Variants in DLG5 observed in about 807,000 individuals in gnomAD.
The protein encoded by DLG5 is disks large homolog 5.
A neutral mutation model predicts 189.8 loss-of-function variants in DLG5; 48 were observed. The observed-to-expected ratio is 0.25, with a 90% CI of 0.20 to 0.32. The LOEUF (loss-of-function observed/expected upper bound fraction) is 0.32, where lower values mean the gene tolerates loss of function less well. Ranked by LOEUF, DLG5 falls within the 10% of genes least tolerant of loss-of-function variation. DLG5 has a pLI of 1.00. For synonymous variants in DLG5, 1,016 were observed against 1,054.1 expected, an observed-to-expected ratio of 0.96 and a Z score of 0.70; for missense variants, 2,160 against 2,544.7, an observed-to-expected ratio of 0.85 and a Z score of 3.25.
intron 13 of DLG5, among the ~76,000 whole-genome samples, chr10:77,827,076 A>G (rs1217790266): frequency 3.3e-5 from 5 of 152,218 alleles, no homozygotes; most frequent in African/African-American, 1.2e-4. Flanking sequence ...CTGGGACATA[A>G]TATAATAAAT....
chr10:77,827,190 T>A (rs1313310679), intron 13 of DLG5, among the ~76,000 whole-genome samples: 1 of 152,186 alleles, frequency 6.6e-6, no homozygotes, highest in Non-Finnish European at 1.5e-5. Flanking sequence ...GAATTTTGTA[T>A]GTATGCCATG....
At chr10:77,817,259 T>C (rs1842107036) in intron 18 of DLG5, among the ~76,000 whole-genome samples, 163 bp from the exon 19 acceptor site, 1 of 152,170 alleles carries the variant, frequency 6.6e-6, no homozygotes, top group Non-Finnish European at 1.5e-5. Context: ...AGCAGACGTT[T>C]AACATTTATC....
chr10:77,931,772 G>C, the DLG5 span, among the ~76,000 whole-genome samples: 1 of 152,094 alleles, frequency 6.6e-6, no homozygotes, highest in East Asian at 1.9e-4. Flanking sequence ...CTTCCCTCCT[G>C]CAGAGGAGCT....
chr10:77,838,301 C>G (rs905949449), intron 7 of DLG5, among the ~76,000 whole-genome samples: 18 of 152,170 alleles, frequency 1.2e-4, no homozygotes, highest in African/African-American at 4.3e-4. Flanking sequence ...CTGCAACAGA[C>G]AGCAGTGGCC....
chr10:77,870,410 C>T (rs1473779168), intron 1 of DLG5, among the ~76,000 whole-genome samples: 8 of 152,146 alleles, frequency 5.3e-5, no homozygotes, highest in East Asian at 3.9e-4. Context: ...CAGCAGGGCA[C>T]GGTGGCTCAC....
intron 2 of DLG5, among the ~76,000 whole-genome samples, chr10:77,865,564 T>G (rs191541159): frequency 5.4e-4 from 82 of 152,296 alleles, no homozygotes; most frequent in Non-Finnish European, 7.9e-4. Flanking sequence ...TCTCTTCTCC[T>G]CCTTAAAACC....
At chr10:77,937,804 C>T in the DLG5 span, among the ~76,000 whole-genome samples, 1 of 150,288 alleles carries the variant, frequency 6.7e-6, no homozygotes, top group East Asian at 2.0e-4. Context: ...CTGCAACCTC[C>T]ACCTCCTGGG....
Position 77,817,859 on chromosome 10 carries a change from G to A in DLG5, c.3702C>T (p.Asp1234=). 6.4e-7 allele frequency: 1 copy of A among 1,553,084 alleles called. No homozygotes were observed. Among genetic ancestry groups the A allele is most frequent in the Non-Finnish European group, 8.7e-7 (1 of 1,147,662 alleles). Residue 1234 remains aspartate, a synonymous_variant, in exon 18 of 32, where the codon GAC becomes GAT. Coordinates refer to ENST00000372391, the MANE Select transcript of DLG5 (RefSeq NM_004747.4). ...SVQHQGRLSL[D]LSHRTCSDYS... ...AGTCGCTGCAGGTCCTGTGGCTCAG[G>A]TCCAGGCTCAGGCGTCCCTGGTGCT...
intron 27 of DLG5, among the ~76,000 whole-genome samples, chr10:77,800,868 G>A (rs1020572301): frequency 4.6e-5 from 7 of 152,166 alleles, no homozygotes; most frequent in Non-Finnish European, 8.8e-5. Context: ...CGGCCCTAGG[G>A]AACACCCCAG....
At chr10:77,828,048 G>C (rs1409144846) in intron 13 of DLG5, among the ~76,000 whole-genome samples, 2 of 151,118 alleles carry the variant, frequency 1.3e-5, no homozygotes, top group Non-Finnish European at 2.9e-5. Context: ...ACTTACTTTG[G>C]TAACAAAAAA....
rs569804532 is a variant in DLG5, at chr10:77,878,492, C to T, written c.305-9295G>A. Among the ~76,000 whole-genome samples, 6 of 152,248 alleles carry T rather than the reference C, an allele frequency of 3.9e-5. No homozygotes were observed. In the South Asian group the frequency reaches 1.2e-3, roughly 32 times the overall value. On this transcript the variant is annotated intron_variant, in intron 1 of 31. Coordinates refer to ENST00000372391, the MANE Select transcript of DLG5 (RefSeq NM_004747.4). ...CTGCAGTGTACACAGACAGCAGATG[C>T]TATGGAAGGGACCTGGAGGACAGTC...
Position 77,814,667 on chromosome 10 carries a change from C to T in DLG5, c.4025+1884G>A, listed in dbSNP as rs537232875. 6.3e-4 allele frequency among the ~76,000 whole-genome samples: 95 copies of T among 151,588 alleles called. 1 individual carries two copies. The highest frequency in any genetic ancestry group is 2.0e-3 in the African/African-American group (84 of 41,410). On this transcript the variant is annotated intron_variant, in intron 20 of 31. Transcript: ENST00000372391. Reference sequence around the variant, plus strand: ...TCAGCTCACTGCAACCTCCGCCTCCCGGGTTCAAGCAATTCTCCTGCCTCA... The same window carrying T: ...TCAGCTCACTGCAACCTCCGCCTCCTGGGTTCAAGCAATTCTCCTGCCTCA...
rs1299037439 is a variant in DLG5 at position 77,841,976 on chromosome 10, T to C, written c.1342A>G (p.Lys448Glu). 6.2e-7 allele frequency: 1 copy of C among 1,614,240 alleles called. No homozygotes were observed. The highest frequency in any genetic ancestry group is 8.5e-7 in the Non-Finnish European group (1 of 1,180,052). The change falls in exon 7 of 32, where the codon AAG (lysine) becomes GAG (glutamate). Residue 448 changes from lysine (K) to glutamate (E), a missense_variant. Physicochemically the swap from Lys to Glu is moderately conservative, Grantham distance 56. This residue lies in a region of DLG5 where 664 missense variants were observed against 838.5 expected (regional missense o/e 0.79). Coordinates refer to ENST00000372391, the MANE Select transcript of DLG5 (RefSeq NM_004747.4). ...ERDQVISELD[K>E]LQTEVELAES... ...GCCAGCTCCACTTCGGTCTGCAGCT[T>C]GTCCAGCTCAGAGATGACCTGGTCA...
intron 23 of DLG5, 109 bp downstream of exon 23, chr10:77,810,985 C>T (rs1568129649): frequency 1.4e-6 from 2 of 1,394,686 alleles, no homozygotes; most frequent in Non-Finnish European, 1.9e-6. Flanking sequence ...TGGTGTGCGG[C>T]CTGCAGCACA....
chr10:77,881,607 A>C (rs1845284044), intron 1 of DLG5, among the ~76,000 whole-genome samples: 1 of 152,204 alleles, frequency 6.6e-6, no homozygotes, highest in Non-Finnish European at 1.5e-5. Context: ...CTAGATAAAT[A>C]TCTCCATCCT....
rs1842235627 is a variant in DLG5, at chr10:77,819,613, T to C, written c.3527-148A>G. On this transcript the variant is annotated intron_variant, in intron 16 of 31. Coordinates refer to ENST00000372391, the MANE Select transcript of DLG5 (RefSeq NM_004747.4). ...GAGTTTTAACCACCAATTCACAATGTGGCTGTGGCTCCTGGCCTGTCTCCA... is the reference window on the plus strand; with the variant it reads ...GAGTTTTAACCACCAATTCACAATGCGGCTGTGGCTCCTGGCCTGTCTCCA... The C allele has an allele frequency of 4.3e-6, 5 of 1,163,280 alleles. No individual in the cohort carries two copies. In the Admixed American group the frequency reaches 1.2e-4, roughly 27 times the overall value. The allele number at this position is 1,163,280 out of a possible 1,614,324, so 72.1% of individuals were successfully genotyped here.
intron 19 of DLG5, 152 bp from the exon 20 acceptor site, chr10:77,816,853 A>AC: frequency 7.4e-7 from 1 of 1,354,164 alleles, no homozygotes; most frequent in Non-Finnish European, 1.0e-6. Context: ...ATTGCCCCCT[A>AC]CCCCCCACAC....
rs530997302 is a variant in DLG5, at chr10:77,829,436, T to C, written c.2104A>G (p.Ile702Val). The change falls in exon 12 of 32, where the codon ATC becomes GTC. Residue 702 changes from isoleucine (I) to valine (V), a missense_variant. By Grantham distance (29) the Ile-to-Val change is conservative. This residue lies in a region of DLG5 where 107 missense variants were observed against 214.5 expected (regional missense o/e 0.50). Transcript: ENST00000372391. ...TTCCTCCGCCGCACGACCATGTTGATGGCCCCCTCCCCATTGAGGAGCGCC... is the reference window on the plus strand; with the variant it reads ...TTCCTCCGCCGCACGACCATGTTGACGGCCCCCTCCCCATTGAGGAGCGCC... Reference protein sequence around the residue: ...IKALLNGEGAINMVVRRRKSL... With the variant: ...IKALLNGEGAVNMVVRRRKSL... The C allele has an allele frequency of 8.1e-6, 13 of 1,614,094 alleles. No homozygotes were observed. The highest frequency in any genetic ancestry group is 1.1e-5 in the Non-Finnish European group (13 of 1,180,042).
At chr10:77,902,814 C>T (rs1482598245) in intron 1 of DLG5, among the ~76,000 whole-genome samples, 3 of 151,456 alleles carry the variant, frequency 2.0e-5, no homozygotes, top group African/African-American at 4.9e-5. Flanking sequence ...GAGCCGAGAT[C>T]GTACCACTGC....
Sources: allele counts gnomAD v4.1 joint callset (sites outside exome capture counted in the v4.1 genomes callset), GRCh38; gene constraint gnomAD v4.1.1; regional missense constraint gnomAD v4.1.1; transcripts MANE v1.5; gene names NCBI Gene and HGNC (gene_info 2026-07-23, HGNC 2026-07-21).